The following KHDRBS2 variants were observed in gnomAD, a reference collection of about 807,000 sequenced individuals.
KHDRBS2 encodes the protein KH domain-containing, RNA-binding, signal transduction-associated protein 2.
Under a neutral mutation model 44.3 loss-of-function variants are expected in KHDRBS2, and 26 were observed. That is an observed-to-expected ratio of 0.59 (90% CI 0.43 to 0.81). KHDRBS2 has a LOEUF of 0.81. Among genes scored for constraint, KHDRBS2 ranks in the 40% least tolerant of loss-of-function variants. The pLI is 0.00. For missense variants in KHDRBS2, 476 were observed against 433.1 expected (o/e 1.10, Z -0.88); for synonymous variants, 194 against 151.1 (o/e 1.28, Z -2.08).
At chr6:61,983,277 A>G (rs1322597010) in intron 3 of KHDRBS2, among the ~76,000 whole-genome samples, 3 of 84,570 alleles carry the variant, frequency 3.5e-5, no homozygotes, top group African/African-American at 9.9e-5. Flanking sequence ...AAGTCTCACT[A>G]TGTTGCCCAG....
Position 61,848,566 on chromosome 6 carries a change from T to TATATATAC in KHDRBS2, c.810+46068_810+46069insGTATATAT, listed in dbSNP as rs1204234721. 3.7e-4 allele frequency among the ~76,000 whole-genome samples: 23 copies of TATATATAC among 61,994 alleles called. 2 individuals carry two copies. Among genetic ancestry groups the TATATATAC allele is most frequent in the South Asian group, 1.9e-3 (3 of 1,566 alleles). The allele number at this position is 61,994 out of a possible 152,430, so 40.7% of individuals were successfully genotyped here. A position where few individuals can be genotyped will look rare whatever the true frequency, so the allele number is the denominator to read the frequency against. On this transcript the variant is annotated intron_variant, in intron 6 of 8. Coordinates refer to ENST00000281156, the MANE Select transcript of KHDRBS2 (RefSeq NM_152688.4). ...GTATATATATACATATATATATGTA[T>TATATATAC]ATATATATACATATATATATATATA...
the KHDRBS2 span, among the ~76,000 whole-genome samples, chr6:61,605,679 G>T: frequency 6.6e-6 from 1 of 151,760 alleles, no homozygotes; most frequent in Non-Finnish European, 1.5e-5. Flanking sequence ...CCCACTCTAG[G>T]TTCCCACACT....
chr6:61,705,583 A>C (rs555845060), intron 7 of KHDRBS2, among the ~76,000 whole-genome samples: 26 of 151,996 alleles, frequency 1.7e-4, no homozygotes, highest in African/African-American at 6.3e-4. Flanking sequence ...TGCATCCAAA[A>C]TAGTCACTCT....
At chr6:61,821,923 T>G (rs1454898462) in intron 6 of KHDRBS2, among the ~76,000 whole-genome samples, 1 of 152,006 alleles carries the variant, frequency 6.6e-6, no homozygotes, top group Non-Finnish European at 1.5e-5. Context: ...TAAAAATGTC[T>G]TCATTTATGT....
chr6:62,067,301 G>A (rs1793957992), intron 2 of KHDRBS2, among the ~76,000 whole-genome samples: 1 of 151,442 alleles, frequency 6.6e-6, no homozygotes, highest in African/African-American at 2.4e-5. Context: ...ACTAGTAAAG[G>A]TACTACATAT....
At chr6:62,048,904 A>G (rs1314072028) in intron 2 of KHDRBS2, among the ~76,000 whole-genome samples, 3 of 151,934 alleles carry the variant, frequency 2.0e-5, no homozygotes, top group African/African-American at 7.2e-5. Context: ...AGTAAGACTA[A>G]GTAAAATTGC....
intron 7 of KHDRBS2, among the ~76,000 whole-genome samples, chr6:61,703,686 A>G (rs2127547005): frequency 6.6e-6 from 1 of 152,042 alleles, no homozygotes; most frequent in Non-Finnish European, 1.5e-5. Flanking sequence ...TATTTAAAAA[A>G]CATTAAAACT....
At chr6:62,271,740 AT>A (rs1840124313) in intron 1 of KHDRBS2, among the ~76,000 whole-genome samples, 1 of 152,078 alleles carries the variant, frequency 6.6e-6, no homozygotes, top group Admixed American at 6.6e-5. Context: ...GAGTAAAAAA[AT>A]AATAATAATA....
At chr6:61,587,363 A>ATCTCTCTCTCTCTC in the KHDRBS2 span, among the ~76,000 whole-genome samples, 4 of 149,594 alleles carry the variant, frequency 2.7e-5, no homozygotes, top group Non-Finnish European at 4.5e-5. Context: ...GCTTTTTTTT[A>ATCTCTCTCTCTCTC]TCTCTCTCTC....
downstream of KHDRBS2, among the ~76,000 whole-genome samples, chr6:61,677,384 A>G (rs1321107686): frequency 1.3e-5 from 2 of 151,930 alleles, no homozygotes; most frequent in Non-Finnish European, 2.9e-5. Flanking sequence ...TATATATGAA[A>G]TGTTACTGAT....
At chr6:62,153,875 C>T (rs779876062) in intron 2 of KHDRBS2, among the ~76,000 whole-genome samples, 25 of 152,190 alleles carry the variant, frequency 1.6e-4, no homozygotes, top group Non-Finnish European at 3.2e-4. Flanking sequence ...ATGATTTTAA[C>T]AGGAACAGTC....
chr6:62,124,549 G>T (rs1319848867), intron 2 of KHDRBS2, among the ~76,000 whole-genome samples: 2 of 149,720 alleles, frequency 1.3e-5, no homozygotes, highest in South Asian at 4.2e-4. Flanking sequence ...CTCAATTTAA[G>T]AATCAGCTCT....
At chr6:61,598,825 C>CTTT in the KHDRBS2 span, among the ~76,000 whole-genome samples, 11 of 56,488 alleles carry the variant, frequency 1.9e-4, no homozygotes, top group African/African-American at 2.4e-4. Flanking sequence ...GTAGAGTGTC[C>CTTT]TTTTTTCTTT....
At chr6:62,133,623 C>G (rs908710554) in intron 2 of KHDRBS2, among the ~76,000 whole-genome samples, 1 of 152,210 alleles carries the variant, frequency 6.6e-6, no homozygotes, top group Middle Eastern at 3.4e-3. Flanking sequence ...GTAATAGAGG[C>G]TGGAATATTT....
intron 3 of KHDRBS2, among the ~76,000 whole-genome samples, chr6:62,038,288 G>A (rs751092318): frequency 4.0e-5 from 6 of 151,476 alleles, no homozygotes; most frequent in South Asian, 4.2e-4. Context: ...TAAACTCTGC[G>A]GTGTTGTTAT....
chr6:61,891,116 A>AAATGAGCAAT (rs1340720411), intron 6 of KHDRBS2, among the ~76,000 whole-genome samples: 2 of 152,234 alleles, frequency 1.3e-5, no homozygotes, highest in Non-Finnish European at 2.9e-5. Context: ...GTTTACATTT[A>AAATGAGCAAT]AATGAGCAAT....
the KHDRBS2 span, among the ~76,000 whole-genome samples, chr6:61,660,291 A>G: frequency 5.3e-5 from 8 of 151,808 alleles, no homozygotes; most frequent in Non-Finnish European, 5.9e-5. Context: ...TAAAGAGAAG[A>G]TACTGTTTTC....
At chr6:62,102,470 C>T (rs892272215) in intron 2 of KHDRBS2, among the ~76,000 whole-genome samples, 4 of 152,180 alleles carry the variant, frequency 2.6e-5, no homozygotes, top group African/African-American at 9.7e-5. Flanking sequence ...ATGTCACACT[C>T]CAGACATGGG....
At chr6:62,233,281 T>C (rs201219990) in intron 1 of KHDRBS2, among the ~76,000 whole-genome samples, 172 of 151,222 alleles carry the variant, frequency 1.1e-3, no homozygotes, top group African/African-American at 4.1e-3. Flanking sequence ...CACACCATGA[T>C]TGTCTCAATG....
Sources: gnomAD v4.1 joint callset for allele counts (sites outside exome capture counted in the v4.1 genomes callset) on GRCh38, gnomAD v4.1.1 for gene constraint, MANE v1.5 for transcripts, NCBI Gene and HGNC (gene_info 2026-07-23, HGNC 2026-07-21) for gene names.